TENT2: variants seen among roughly 807,000 people sequenced by gnomAD.
TENT2 encodes the protein terminal nucleotidyltransferase 2.
TENT2 carries 44 observed loss-of-function variants against 72.2 expected under a neutral mutation model. That is an observed-to-expected ratio of 0.61 (90% CI 0.48 to 0.78). TENT2 has a LOEUF of 0.78. Ranked by LOEUF, TENT2 falls within the 30% of genes least tolerant of loss-of-function variation. TENT2 has a pLI of 0.00. For missense variants in TENT2, 541 were observed against 569.6 expected, an observed-to-expected ratio of 0.95 and a Z score of 0.51; for synonymous variants, 212 against 192.5, an observed-to-expected ratio of 1.10 and a Z score of -0.84.
At chr5:79,645,502 A>T (rs888616380) in intron 8 of TENT2, among the ~76,000 whole-genome samples, 2 of 152,144 alleles carry the variant, frequency 1.3e-5, no homozygotes, top group Non-Finnish European at 2.9e-5. Flanking sequence ...GAAGAATATA[A>T]TTAATGAAAT....
At chr5:79,622,112 C>T (rs1765538575) in intron 3 of TENT2, among the ~76,000 whole-genome samples, 1 of 152,058 alleles carries the variant, frequency 6.6e-6, no homozygotes, top group East Asian at 1.9e-4. Flanking sequence ...ACCAGCCTGG[C>T]CAACATGGTG....
At position 79,684,109 on chromosome 5, in the gene TENT2, A is replaced by G. The variant is rs13357218; in HGVS notation, c.1381-1090A>G. Reference sequence around the variant, plus strand: ...AGTTGTAAAACCAATACTTTTAGACAATCGAATAACTGACATGAGACTAGA... The same window carrying G: ...AGTTGTAAAACCAATACTTTTAGACGATCGAATAACTGACATGAGACTAGA... On this transcript the variant is annotated intron_variant, in intron 14 of 14. Transcript: ENST00000453514. Among the ~76,000 whole-genome samples, 973 of 152,192 alleles carry G rather than the reference A, an allele frequency of 6.4e-3. 3 individuals are homozygous for G. Among genetic ancestry groups the G allele is most frequent in the Non-Finnish European group, 9.2e-3 (625 of 68,008 alleles).
chr5:79,658,461 G>A (rs1799525764), intron 11 of TENT2, among the ~76,000 whole-genome samples: 1 of 151,638 alleles, frequency 6.6e-6, no homozygotes, highest in African/African-American at 2.4e-5. Context: ...AAAGTTCTGG[G>A]ATTACAGGCA....
rs960199093 is a variant in TENT2, at chr5:79,612,838, CTT to C, written c.-272_-271del. On this transcript the variant is annotated 5_prime_UTR_variant, in exon 1 of 15. Transcript: ENST00000453514. ...CAGGTCGGCGGCGGGGCACGGGAAACTTTTCCGAAACGGTAGCGTTTTGTTTT... is the reference window on the plus strand; with the variant it reads ...CAGGTCGGCGGCGGGGCACGGGAAACTTCCGAAACGGTAGCGTTTTGTTTT... 6.6e-6 allele frequency: 1 copy of C among 152,290 alleles called. No homozygotes were observed. The highest frequency in any genetic ancestry group is 6.5e-5 in the Admixed American group (1 of 15,284). 9.4% of individuals were successfully genotyped at this position (152,290 alleles called of 1,614,324 possible).
At chr5:79,644,937 CT>C (rs1787615640) in intron 7 of TENT2, 185 bp from the exon 8 acceptor site, 4 of 494,792 alleles carry the variant, frequency 8.1e-6, no homozygotes, top group East Asian at 6.8e-5. Flanking sequence ...ATAAAGCCCC[CT>C]AAATGGTATT....
chr5:79,665,375 C>G (rs1806632725), intron 11 of TENT2, among the ~76,000 whole-genome samples: 1 of 152,096 alleles, frequency 6.6e-6, no homozygotes, highest in Non-Finnish European at 1.5e-5. Flanking sequence ...CTAACTTATT[C>G]CAGAAAGCGC....
chr5:79,614,320 C>T (rs1757772965), intron 1 of TENT2, among the ~76,000 whole-genome samples: 1 of 152,026 alleles, frequency 6.6e-6, no homozygotes, highest in African/African-American at 2.4e-5. Context: ...CCAGGCTGGT[C>T]TCCAACTCCT....
chr5:79,679,601 G>C lies in TENT2; in HGVS notation c.1231G>C (p.Val411Leu), dbSNP rs1353935129. Reference sequence around the variant, plus strand: ...TAGCTGGAATAGTCAAATGATTTCAGTTCGTGAAGCCAAAGCCATTCCAAG... The same window carrying C: ...TAGCTGGAATAGTCAAATGATTTCACTTCGTGAAGCCAAAGCCATTCCAAG... Reference protein sequence around the residue: ...EFDWNSQMISVREAKAIPRPD... With the variant: ...EFDWNSQMISLREAKAIPRPD... The change falls in exon 13 of 15, where the codon GTT (valine) becomes CTT (leucine). Residue 411 changes from valine to leucine, a missense_variant. Val to Leu is a conservative substitution (Grantham distance 32). Transcript: ENST00000453514. The C allele has an allele frequency of 6.2e-7, 1 of 1,600,166 alleles. No individual in the cohort carries two copies. Among genetic ancestry groups the C allele is most frequent in the Non-Finnish European group, 8.5e-7 (1 of 1,172,180 alleles).
chr5:79,655,147 TA>T (rs1348416294), intron 10 of TENT2, among the ~76,000 whole-genome samples: 1 of 152,160 alleles, frequency 6.6e-6, no homozygotes, highest in Non-Finnish European at 1.5e-5. Context: ...ATAAACATTT[TA>T]AAAACTACTA....
chr5:79,678,010 CT>C (rs1196935650), intron 12 of TENT2, among the ~76,000 whole-genome samples: 3 of 152,102 alleles, frequency 2.0e-5, no homozygotes, highest in Non-Finnish European at 4.4e-5. Flanking sequence ...GCAGAGTAGT[CT>C]TTCTGTTTGG....
chr5:79,677,614 C>G (rs780255551), intron 12 of TENT2, among the ~76,000 whole-genome samples: 7 of 152,104 alleles, frequency 4.6e-5, no homozygotes, highest in Admixed American at 1.3e-4. Context: ...TATTAGAAAA[C>G]AAATAGTCTC....
At chr5:79,633,582 A>G (rs968882762) in intron 4 of TENT2, among the ~76,000 whole-genome samples, 1 of 151,128 alleles carries the variant, frequency 6.6e-6, no homozygotes, top group Admixed American at 6.6e-5. Context: ...ATGCCCGGCT[A>G]ATTTTGTGTT....
intron 12 of TENT2, among the ~76,000 whole-genome samples, chr5:79,678,872 TTTTG>T (rs1208845344): frequency 6.6e-6 from 1 of 152,096 alleles, no homozygotes; most frequent in Non-Finnish European, 1.5e-5. Flanking sequence ...CCATAGTTGT[TTTTG>T]TTTGTTTACT....
In TENT2 at chr5:79,687,738, AGTG is replaced by A. The variant is rs1447717353; in HGVS notation, c.*2469_*2471del. ...TGACTGTATTTGCATATGTTGTTAA[AGTG>A]GTGTTTAAAATGTGCAATCTGTACT... On this transcript the variant is annotated 3_prime_UTR_variant, in exon 15 of 15. Coordinates refer to ENST00000453514, the MANE Select transcript of TENT2 (RefSeq NM_001114394.3). Among the ~76,000 whole-genome samples the A allele has an allele frequency of 1.8e-4, 28 of 152,304 alleles. No homozygotes were observed. The highest frequency in any genetic ancestry group is 2.1e-4 in the South Asian group (1 of 4,824).
At chr5:79,613,869 CAA>C (rs1757206000) in intron 1 of TENT2, 1 of 152,096 alleles carries the variant, frequency 6.6e-6, no homozygotes, top group Admixed American at 6.5e-5. Context: ...TTTGAGATAT[CAA>C]AGGTATTTGG....
At chr5:79,640,828 C>T (rs768650053) in intron 4 of TENT2, 23 bp from the exon 5 acceptor site, 3 of 1,522,724 alleles carry the variant, frequency 2.0e-6, no homozygotes, top group South Asian at 2.4e-5. Context: ...AAAACTTTTA[C>T]TTTTTTTTGC....
chr5:79,626,442 G>A (rs1770001074), intron 4 of TENT2, among the ~76,000 whole-genome samples: 1 of 151,450 alleles, frequency 6.6e-6, no homozygotes, highest in South Asian at 2.1e-4. Context: ...CGAGTAGCTG[G>A]GACTACAGGC....
chr5:79,648,982 G>T (rs1231722212), intron 9 of TENT2, 80 bp from the exon 10 acceptor site: 5 of 1,442,750 alleles, frequency 3.5e-6, no homozygotes, highest in Admixed American at 1.9e-5. Flanking sequence ...CTTTGTTTTG[G>T]TATGGAGCTG....
intron 12 of TENT2, 63 bp from the exon 13 acceptor site, chr5:79,679,516 A>G: frequency 7.2e-6 from 9 of 1,256,674 alleles, no homozygotes; most frequent in Non-Finnish European, 8.7e-6. Flanking sequence ...TATTGATACA[A>G]TAAAAATAAT....
Sources: gnomAD v4.1 joint callset for allele counts (sites outside exome capture counted in the v4.1 genomes callset) on GRCh38, gnomAD v4.1.1 for gene constraint, MANE v1.5 for transcripts, NCBI Gene and HGNC (gene_info 2026-07-23, HGNC 2026-07-21) for gene names.